The following ADAMTSL1 variants were observed in gnomAD, a reference collection of about 807,000 sequenced individuals.
The protein encoded by ADAMTSL1 is ADAMTS like 1.
ADAMTSL1 carries 126 observed loss-of-function variants against 201.8 expected under a neutral mutation model. The ratio of observed to expected loss-of-function variants is 0.62; its 90% confidence interval spans 0.54 to 0.72. The LOEUF (loss-of-function observed/expected upper bound fraction) is 0.72. Among genes scored for constraint, ADAMTSL1 ranks in the 30% least tolerant of loss-of-function variants. ADAMTSL1 has a pLI of 0.00. For missense variants in ADAMTSL1, 2,679 were observed against 2,277.8 expected, an observed-to-expected ratio of 1.18 and a Z score of -3.59; for synonymous variants, 1,121 against 903.4, an observed-to-expected ratio of 1.24 and a Z score of -4.32.
At position 18,474,432 on chromosome 9, in the gene ADAMTSL1, A is replaced by T. The variant is rs1821351039; in HGVS notation, c.63+137A>T. 5 of 884,568 alleles carry T rather than the reference A, an allele frequency of 5.7e-6. No homozygotes were observed. The South Asian group carries it at 7.9e-5, about 14-fold the overall frequency. 54.8% of individuals were successfully genotyped at this position (884,568 alleles called of 1,614,324 possible). The stretch of plus-strand genomic sequence containing the variant: ...TCCAGGTAAAATAATTTACACGATT[A>T]CAAAGAGAGAATACTCCTTCTAGAA... On this transcript the variant is annotated intron_variant, in intron 1 of 28. Coordinates refer to ENST00000380548, the MANE Select transcript of ADAMTSL1 (RefSeq NM_001040272.6).
chr9:18,720,836 T>G (rs1426523125), intron 14 of ADAMTSL1, among the ~76,000 whole-genome samples: 1 of 152,176 alleles, frequency 6.6e-6, no homozygotes, highest in African/African-American at 2.4e-5. Flanking sequence ...CAAACCACCT[T>G]GGAGAACTTC....
intron 2 of ADAMTSL1, among the ~76,000 whole-genome samples, chr9:18,322,500 G>A (rs1310558558): frequency 6.6e-6 from 1 of 152,066 alleles, no homozygotes. Flanking sequence ...AAACGTGGTG[G>A]TGGGCACCTA....
At chr9:18,116,615 G>A (rs755558519) in intron 1 of ADAMTSL1, among the ~76,000 whole-genome samples, 1 of 152,180 alleles carries the variant, frequency 6.6e-6, no homozygotes, top group Non-Finnish European at 1.5e-5. Flanking sequence ...AAAGACAGGG[G>A]TTGCATTTTA....
intron 1 of ADAMTSL1, among the ~76,000 whole-genome samples, chr9:17,920,916 C>T (rs964108042): frequency 6.6e-6 from 1 of 152,216 alleles, no homozygotes; most frequent in Admixed American, 6.5e-5. Context: ...CCATCGTTTG[C>T]AGACCCCTGT....
At chr9:18,841,565 G>A (rs933104735) in intron 23 of ADAMTSL1, among the ~76,000 whole-genome samples, 2 of 152,198 alleles carry the variant, frequency 1.3e-5, no homozygotes, top group African/African-American at 4.8e-5. Context: ...ATGAGTTAGG[G>A]AGGATTTCCT....
chr9:18,079,885 G>C (rs913762312), intron 1 of ADAMTSL1, among the ~76,000 whole-genome samples: 3 of 152,068 alleles, frequency 2.0e-5, no homozygotes, highest in African/African-American at 7.2e-5. Context: ...ATCCCAGCTG[G>C]ACAAAAAGAA....
intron 2 of ADAMTSL1, among the ~76,000 whole-genome samples, chr9:18,393,212 A>T (rs1323864552): frequency 6.6e-6 from 1 of 152,220 alleles, no homozygotes; most frequent in Non-Finnish European, 1.5e-5. Flanking sequence ...ATTTTCACAG[A>T]TTATACACAT....
At chr9:18,180,490 G>C (rs532830180) in intron 2 of ADAMTSL1, among the ~76,000 whole-genome samples, 1 of 134,336 alleles carries the variant, frequency 7.4e-6, no homozygotes, top group East Asian at 2.3e-4. Flanking sequence ...CCAAGATCCC[G>C]CCACTGCACT....
At chr9:18,200,116 G>A (rs1352765096) in intron 2 of ADAMTSL1, among the ~76,000 whole-genome samples, 1 of 151,950 alleles carries the variant, frequency 6.6e-6, no homozygotes, top group Admixed American at 6.6e-5. Context: ...TCAGGACTAT[G>A]TAATATACCA....
At chr9:18,748,816 G>A (rs1234586553) in intron 15 of ADAMTSL1, among the ~76,000 whole-genome samples, 1 of 152,124 alleles carries the variant, frequency 6.6e-6, no homozygotes, top group African/African-American at 2.4e-5. Context: ...CACAAACCAG[G>A]TGGCTTAAAA....
chr9:18,389,639 T>A (rs1563929199), intron 2 of ADAMTSL1, among the ~76,000 whole-genome samples: 2 of 152,284 alleles, frequency 1.3e-5, no homozygotes, highest in East Asian at 3.9e-4. Flanking sequence ...TAAAACTTCA[T>A]GACAAGCCTA....
At chr9:18,882,371 C>T (rs974263845) in intron 23 of ADAMTSL1, among the ~76,000 whole-genome samples, 1 of 152,112 alleles carries the variant, frequency 6.6e-6, no homozygotes, top group African/African-American at 2.4e-5. Flanking sequence ...GATAGGGAGA[C>T]ACGCATTTGC....
chr9:18,672,050 T>G (rs916084957), intron 9 of ADAMTSL1, among the ~76,000 whole-genome samples: 4 of 151,766 alleles, frequency 2.6e-5, no homozygotes, highest in Non-Finnish European at 5.9e-5. Context: ...AAAATTAAAT[T>G]TAATTAAAAA....
chr9:18,639,418 C>T lies in ADAMTSL1; in HGVS notation c.834+7C>T, dbSNP rs761804897. 76 of 1,609,880 alleles carry T rather than the reference C, an allele frequency of 4.7e-5. No individual in the cohort carries two copies. Among genetic ancestry groups the T allele is most frequent in the Non-Finnish European group, 5.3e-5 (63 of 1,177,732 alleles). ...AGCAGATTTCATTGTCAAGGTGAGC[C>T]CTATTTAGATACCTCCTTTTCAAGC... On this transcript the variant is annotated splice_region_variant and intron_variant, in intron 7 of 28. Coordinates refer to ENST00000380548, the MANE Select transcript of ADAMTSL1 (RefSeq NM_001040272.6).
intron 1 of ADAMTSL1, among the ~76,000 whole-genome samples, chr9:17,993,617 G>A (rs968606876): frequency 1.3e-5 from 2 of 152,138 alleles, no homozygotes; most frequent in South Asian, 2.1e-4. Flanking sequence ...GTCACCCTTA[G>A]TCTTTCTTTT....
At chr9:18,008,489 C>T (rs937895740) in intron 1 of ADAMTSL1, among the ~76,000 whole-genome samples, 35 of 151,934 alleles carry the variant, frequency 2.3e-4, no homozygotes, top group African/African-American at 8.2e-4. Context: ...TTACATTTTG[C>T]TTATTGTTTA....
At chr9:18,874,567 A>G (rs1216848784) in intron 23 of ADAMTSL1, among the ~76,000 whole-genome samples, 1 of 151,882 alleles carries the variant, frequency 6.6e-6, no homozygotes, top group Non-Finnish European at 1.5e-5. Flanking sequence ...TATTTATGTG[A>G]TGTATCACAT....
chr9:18,211,267 T>C (rs1158888074), intron 2 of ADAMTSL1, among the ~76,000 whole-genome samples: 3 of 152,158 alleles, frequency 2.0e-5, no homozygotes, highest in Non-Finnish European at 2.9e-5. Context: ...GTCAGTGTTC[T>C]TTCAAAAATT....
intron 1 of ADAMTSL1, among the ~76,000 whole-genome samples, chr9:18,082,526 G>T (rs1358910661): frequency 1.3e-5 from 2 of 152,182 alleles, no homozygotes; most frequent in Non-Finnish European, 2.9e-5. Context: ...TGGCAGGTTA[G>T]TCATGACATT....
Sources: gnomAD v4.1 joint callset for allele counts (sites outside exome capture counted in the v4.1 genomes callset) on GRCh38, gnomAD v4.1.1 for gene constraint, MANE v1.5 for transcripts, NCBI Gene and HGNC (gene_info 2026-07-23, HGNC 2026-07-21) for gene names.